Variants in ADRA1B observed in about 807,000 individuals in gnomAD.
ADRA1B encodes alpha-1B adrenergic receptor.
Under a neutral mutation model 17.9 loss-of-function variants are expected in ADRA1B, and 17 were observed. The observed-to-expected ratio is 0.95, with a 90% confidence interval of 0.65 to 1.42. The LOEUF (loss-of-function observed/expected upper bound fraction) is 1.42, where lower values mean the gene tolerates loss of function less well. Ranked by LOEUF, ADRA1B falls within the 40% of genes most tolerant of loss-of-function variation. ADRA1B has a pLI of 0.00. For synonymous variants in ADRA1B, 366 were observed against 327.6 expected, an observed-to-expected ratio of 1.12 and a Z score of -1.27; for missense variants, 681 against 722.1, an observed-to-expected ratio of 0.94 and a Z score of 0.65.
upstream of ADRA1B, among the ~76,000 whole-genome samples, chr5:159,912,845 G>T (rs1279989089): frequency 6.6e-6 from 1 of 152,220 alleles, no homozygotes; most frequent in Admixed American, 6.5e-5. Context: ...TCTGAAAGGT[G>T]CTTTAGCATT....
chr5:159,912,282 G>A (rs1363002292), upstream of ADRA1B, among the ~76,000 whole-genome samples: 3 of 152,198 alleles, frequency 2.0e-5, no homozygotes, highest in East Asian at 5.8e-4. Flanking sequence ...ATAAATTAGT[G>A]GAACTGGGAC....
At chr5:159,899,719 G>A (rs1754081464) in intron 1 of ADRA1B, among the ~76,000 whole-genome samples, 1 of 152,198 alleles carries the variant, frequency 6.6e-6, no homozygotes, top group South Asian at 2.1e-4. Flanking sequence ...ACTGTGGCAG[G>A]AGGCAATGAA....
the ADRA1B span, among the ~76,000 whole-genome samples, chr5:159,979,486 A>T: frequency 6.6e-6 from 1 of 152,222 alleles, no homozygotes; most frequent in Non-Finnish European, 1.5e-5. Flanking sequence ...AGGCATACCA[A>T]TAAAGGGCTT....
At chr5:159,939,136 C>A (rs146112017) in intron 1 of ADRA1B, among the ~76,000 whole-genome samples, 2 of 152,078 alleles carry the variant, frequency 1.3e-5, no homozygotes, top group Non-Finnish European at 2.9e-5. Flanking sequence ...CCCAGCCCCT[C>A]CAGTCTTCTT....
intron 1 of ADRA1B, chr5:159,871,322 G>A (rs1266378099): frequency 6.6e-6 from 1 of 152,112 alleles, no homozygotes; most frequent in Non-Finnish European, 1.5e-5. Flanking sequence ...TGGAAGTTGG[G>A]GTCTATATTG....
At chr5:159,927,682 TTTC>T (rs1419788553) in intron 1 of ADRA1B, among the ~76,000 whole-genome samples, 2 of 152,218 alleles carry the variant, frequency 1.3e-5, no homozygotes, top group Non-Finnish European at 2.9e-5. Flanking sequence ...ATAATAACCC[TTTC>T]TTATTTTCAA....
At chr5:159,905,480 T>C (rs976855386) in intron 1 of ADRA1B, among the ~76,000 whole-genome samples, 3 of 152,266 alleles carry the variant, frequency 2.0e-5, no homozygotes, top group African/African-American at 2.4e-5. Context: ...CAGTTAAGGC[T>C]GAGATCAAAC....
In ADRA1B at chr5:159,954,968, G is replaced by A. The variant is rs140063107; in HGVS notation, c.950-16911G>A. The A allele has an allele frequency of 1.6e-3, 334 of 204,288 alleles. 2 individuals are homozygous for A. Among genetic ancestry groups the A allele is most frequent in the African/African-American group, 7.6e-3 (320 of 42,382 alleles). 12.7% of individuals were successfully genotyped at this position (204,288 alleles called of 1,614,324 possible). A position where few individuals can be genotyped will look rare whatever the true frequency, so the allele number is the denominator to read the frequency against. On this transcript the variant is annotated intron_variant, in intron 1 of 1. Transcript: ENST00000306675. The stretch of plus-strand genomic sequence containing the variant: ...GGAGACTTTGAGGGCTGGAATTTCG[G>A]GGTCATTTATGGCATGCCGGTAGAC...
At chr5:159,875,513 T>C (rs1255481863) in intron 1 of ADRA1B, among the ~76,000 whole-genome samples, 1 of 152,160 alleles carries the variant, frequency 6.6e-6, no homozygotes, top group African/African-American at 2.4e-5. Context: ...TCATATACAG[T>C]ATCTTACTTT....
the ADRA1B span, among the ~76,000 whole-genome samples, chr5:159,981,841 G>A: frequency 6.6e-6 from 1 of 152,164 alleles, no homozygotes; most frequent in Non-Finnish European, 1.5e-5. Flanking sequence ...TGGGCACGGT[G>A]ACTCACGCCT....
intron 1 of ADRA1B, among the ~76,000 whole-genome samples, chr5:159,894,670 C>T (rs572995316): frequency 3.3e-5 from 5 of 151,934 alleles, no homozygotes; most frequent in South Asian, 2.1e-4. Context: ...AATTTTAGTT[C>T]GTGATACAAT....
At position 159,917,398 on chromosome 5, in the gene ADRA1B, G is replaced by A. The variant is rs1561590570; in HGVS notation, c.493G>A (p.Ala165Thr). Residue 165 changes from alanine to threonine, a missense_variant, in exon 1 of 2, where the codon GCG (alanine) becomes ACG (threonine). Transcript: ENST00000306675. ...GGTCACCCGGAGGAAGGCCATCTTGGCGCTGCTCAGTGTCTGGGTCTTGTC... is the reference window on the plus strand; with the variant it reads ...GGTCACCCGGAGGAAGGCCATCTTGACGCTGCTCAGTGTCTGGGTCTTGTC... ...TLVTRRKAIL[A>T]LLSVWVLSTV... 1.9e-6 allele frequency: 3 copies of A among 1,614,138 alleles called. No individual in the cohort carries two copies. The highest frequency in any genetic ancestry group is 2.2e-5 in the South Asian group (2 of 91,084).
intron 1 of ADRA1B, among the ~76,000 whole-genome samples, chr5:159,882,262 G>A (rs1201807255): frequency 6.6e-6 from 1 of 152,086 alleles, no homozygotes; most frequent in African/African-American, 2.4e-5. Flanking sequence ...CAGACCTTGA[G>A]GGTTCCCCAG....
At chr5:159,912,479 C>T (rs189092184), upstream of ADRA1B, among the ~76,000 whole-genome samples, 26 of 152,324 alleles carry the variant, frequency 1.7e-4, no homozygotes, top group African/African-American at 6.3e-4. Flanking sequence ...AACCTTTACT[C>T]CCAGACAGCT....
intron 1 of ADRA1B, among the ~76,000 whole-genome samples, chr5:159,911,017 CT>C (rs1326438250): frequency 6.6e-6 from 1 of 152,168 alleles, no homozygotes; most frequent in African/African-American, 2.4e-5. Flanking sequence ...CTTGGGAGGA[CT>C]TTTGCCCCAG....
At chr5:159,919,094 G>A (rs985097638) in intron 1 of ADRA1B, among the ~76,000 whole-genome samples, 12 of 152,018 alleles carry the variant, frequency 7.9e-5, no homozygotes, top group African/African-American at 2.2e-4. Context: ...AACAGATATC[G>A]AGTTTCCATT....
chr5:159,931,712 A>T lies in ADRA1B; in HGVS notation c.949+13858A>T, dbSNP rs1418281877. The stretch of plus-strand genomic sequence containing the variant: ...ACAGTTCTGGAGGCTCGGAAGTCCA[A>T]GATCAAGGAGCAAGAACATTCAGTG... On this transcript the variant is annotated intron_variant, in intron 1 of 1. Transcript: ENST00000306675. 2.0e-5 allele frequency among the ~76,000 whole-genome samples: 3 copies of T among 152,340 alleles called. No individual in the cohort carries two copies. In the East Asian group the frequency reaches 5.8e-4, roughly 29 times the overall value.
At position 159,917,454 on chromosome 5, in the gene ADRA1B, G is replaced by T. The variant is rs3729604; in HGVS notation, c.549G>T (p.Gly183=). 6.2e-7 allele frequency: 1 copy of T among 1,613,956 alleles called. No homozygotes were observed. Among genetic ancestry groups the T allele is most frequent in the Non-Finnish European group, 8.5e-7 (1 of 1,179,992 alleles). ...TCATCTCCATCGGGCCTCTCCTTGG[G>T]TGGAAGGAGCCGGCACCCAACGATG... ...STVISIGPLL[G]WKEPAPNDDK... Residue 183 remains glycine, a synonymous_variant, in exon 1 of 2, where the codon GGG becomes GGT. Transcript: ENST00000306675.
At chr5:159,868,441 G>A (rs1753692403) in intron 1 of ADRA1B, 1 of 152,154 alleles carries the variant, frequency 6.6e-6, no homozygotes, top group African/African-American at 2.4e-5. Context: ...AATAGGATTG[G>A]GACAAAAGGT....
Sources: allele counts gnomAD v4.1 joint callset (sites outside exome capture counted in the v4.1 genomes callset), GRCh38; gene constraint gnomAD v4.1.1; transcripts MANE v1.5; gene names NCBI Gene and HGNC (gene_info 2026-07-23, HGNC 2026-07-21).